Variants in TMPRSS11A observed in about 807,000 individuals in gnomAD.
The protein encoded by TMPRSS11A is transmembrane serine protease 11A.
In TMPRSS11A, 53 loss-of-function variants were observed where a neutral mutation model predicts 58.9. The observed-to-expected ratio is 0.90, with a 90% CI of 0.72 to 1.13. The LOEUF (loss-of-function observed/expected upper bound fraction) is 1.13. Ranked by LOEUF, TMPRSS11A falls within the 50% of genes most tolerant of loss-of-function variation. The pLI is 0.00. For missense variants in TMPRSS11A, 493 were observed against 499.3 expected, an observed-to-expected ratio of 0.99 and a Z score of 0.12; for synonymous variants, 167 against 169.8, an observed-to-expected ratio of 0.98 and a Z score of 0.13.
At chr4:67,914,495 C>G in intron 9 of TMPRSS11A, 93 bp downstream of exon 9, 1 of 1,169,494 alleles carries the variant, frequency 8.6e-7, no homozygotes. Flanking sequence ...GACATGATAT[C>G]TATGTTTTGT....
At chr4:67,939,485 C>G (rs967078398) in intron 3 of TMPRSS11A, among the ~76,000 whole-genome samples, 1 of 152,070 alleles carries the variant, frequency 6.6e-6, no homozygotes, top group Non-Finnish European at 1.5e-5. Flanking sequence ...ACATTCTTGT[C>G]TTTTTCCTGT....
chr4:67,926,775 G>T (rs1720483688), intron 5 of TMPRSS11A, among the ~76,000 whole-genome samples: 1 of 152,168 alleles, frequency 6.6e-6, no homozygotes, highest in African/African-American at 2.4e-5. Flanking sequence ...CACTGGTGGG[G>T]GAGCAGCTTG....
chr4:67,951,474 C>T (rs949682797), intron 1 of TMPRSS11A, among the ~76,000 whole-genome samples: 3 of 152,136 alleles, frequency 2.0e-5, no homozygotes, highest in East Asian at 3.9e-4. Flanking sequence ...TCCCAAGGAT[C>T]TTACTTTTCC....
chr4:67,945,247 T>A (rs2109761771), intron 2 of TMPRSS11A, among the ~76,000 whole-genome samples: 1 of 152,202 alleles, frequency 6.6e-6, no homozygotes, highest in Non-Finnish European at 1.5e-5. Flanking sequence ...CAGTTGAGAC[T>A]CCTAAGGAAT....
intron 1 of TMPRSS11A, among the ~76,000 whole-genome samples, chr4:67,947,256 G>A (rs1229404708): frequency 6.6e-6 from 1 of 152,106 alleles, no homozygotes; most frequent in Admixed American, 6.5e-5. Context: ...CTAATACCCA[G>A]TCCATCTTCA....
intron 4 of TMPRSS11A, among the ~76,000 whole-genome samples, chr4:67,931,216 C>T (rs971098419): frequency 3.9e-5 from 6 of 152,072 alleles, no homozygotes; most frequent in African/African-American, 9.7e-5. Flanking sequence ...AAAATCCTTA[C>T]GGAAGTCACT....
At chr4:67,936,888 G>A (rs1720768033) in intron 3 of TMPRSS11A, among the ~76,000 whole-genome samples, 1 of 152,154 alleles carries the variant, frequency 6.6e-6, no homozygotes, top group South Asian at 2.1e-4. Context: ...TTTTGTAAAA[G>A]AGGAAAATAT....
In TMPRSS11A at chr4:67,912,281, AACACAC is replaced by A. The variant is rs58492227; in HGVS notation, c.1096-784_1096-779del. ...TCCTCTGAAGCTGTTCCACCATATCAACACACACACACACACACACACACATACACA... is the reference window on the plus strand; with the variant it reads ...TCCTCTGAAGCTGTTCCACCATATCAACACACACACACACACACATACACA... On this transcript the variant is annotated intron_variant, in intron 9 of 9. Coordinates refer to ENST00000508048, the MANE Select transcript of TMPRSS11A (RefSeq NM_001114387.2). Among the ~76,000 whole-genome samples, 224 of 149,814 alleles carry A rather than the reference AACACAC, an allele frequency of 1.5e-3. 3 individuals carry two copies. The highest frequency in any genetic ancestry group is 5.1e-3 in the East Asian group (26 of 5,056).
At position 67,914,612 on chromosome 4, in the gene TMPRSS11A, C is replaced by T. The variant is rs1467280011; in HGVS notation, c.1071G>A (p.Met357Ile). Residue 357 changes from methionine (M) to isoleucine (I), a missense_variant, in exon 9 of 10, where the codon ATG becomes ATA. By Grantham distance (10) the Met-to-Ile change is conservative (BLOSUM62 1). Transcript: ENST00000508048. ...IKPGMFCAGY[M>I]EGIYDACRGD... Reference sequence around the variant, plus strand: ...CCCTGCAGGCATCATAAATTCCTTCCATATATCCGGCACAGAACATTCCAG... The same window carrying T: ...CCCTGCAGGCATCATAAATTCCTTCTATATATCCGGCACAGAACATTCCAG... The T allele has an allele frequency of 1.2e-6, 2 of 1,613,630 alleles. No individual in the cohort carries two copies. The highest frequency in any genetic ancestry group is 1.7e-6 in the Non-Finnish European group (2 of 1,179,818).
In TMPRSS11A at chr4:67,916,826, CAAAATAAAAATA is replaced by C. The variant is rs761507817; in HGVS notation, c.953-2108_953-2097del. On this transcript the variant is annotated intron_variant, in intron 8 of 9. Transcript: ENST00000508048. Reference sequence around the variant, plus strand: ...TGGGAGACAGAGCGAGACTCTGTTTCAAAATAAAAATAAAAATAAAAATAAAAATAAAATAAT... The same window carrying C: ...TGGGAGACAGAGCGAGACTCTGTTTCAAAATAAAAATAAAAATAAAATAAT... Among the ~76,000 whole-genome samples, 20 of 151,378 alleles carry C rather than the reference CAAAATAAAAATA, an allele frequency of 1.3e-4. 1 individual carries two copies. The highest frequency in any genetic ancestry group is 6.2e-4 in the South Asian group (3 of 4,810).
intron 1 of TMPRSS11A, among the ~76,000 whole-genome samples, chr4:67,957,855 T>C (rs1190891557): frequency 6.6e-6 from 1 of 152,004 alleles, no homozygotes; most frequent in African/African-American, 2.4e-5. Flanking sequence ...ATGGGCCAGG[T>C]CCAGGGTCCC....
intron 3 of TMPRSS11A, among the ~76,000 whole-genome samples, chr4:67,942,645 T>C (rs181412829): frequency 2.0e-5 from 3 of 152,328 alleles, no homozygotes; most frequent in East Asian, 1.9e-4. Context: ...GCGTGCACAC[T>C]GAGTCAGCCA....
At chr4:67,943,726 G>A (rs1208641734) in intron 3 of TMPRSS11A, among the ~76,000 whole-genome samples, 1 of 152,052 alleles carries the variant, frequency 6.6e-6, no homozygotes, top group Non-Finnish European at 1.5e-5. Context: ...CAATATTATT[G>A]TAAATATGAT....
intron 8 of TMPRSS11A, 149 bp downstream of exon 8, chr4:67,918,824 G>T: frequency 1.1e-6 from 1 of 931,246 alleles, no homozygotes; most frequent in Non-Finnish European, 1.6e-6. Flanking sequence ...ACTGGTTAAT[G>T]TGAATTGAAT....
intron 1 of TMPRSS11A, among the ~76,000 whole-genome samples, chr4:67,950,105 AC>A (rs1455080058): frequency 6.6e-6 from 1 of 152,180 alleles, no homozygotes; most frequent in Non-Finnish European, 1.5e-5. Context: ...TCAAAGCAAC[AC>A]CTATTTATTA....
At chr4:67,935,520 T>A (rs1212374695) in intron 3 of TMPRSS11A, among the ~76,000 whole-genome samples, 2 of 152,262 alleles carry the variant, frequency 1.3e-5, no homozygotes, top group South Asian at 2.1e-4. Context: ...TATTATATAT[T>A]TATGCAATAT....
intron 1 of TMPRSS11A, among the ~76,000 whole-genome samples, chr4:67,962,104 A>AT (rs1721443759): frequency 6.6e-6 from 1 of 152,172 alleles, no homozygotes; most frequent in Admixed American, 6.5e-5. Flanking sequence ...TAAATTATTA[A>AT]TTTTTAAAAT....
rs1474752645 is a variant in TMPRSS11A at position 67,961,482 on chromosome 4, CCTTTTTTTTTTTTTTTTTTTTT to C, written c.11+1879_11+1900del. 5.0e-3 allele frequency among the ~76,000 whole-genome samples: 513 copies of C among 102,410 alleles called. 76 individuals carry two copies. Among genetic ancestry groups the C allele is most frequent in the African/African-American group, 0.015 (313 of 20,972 alleles). 67.2% of individuals were successfully genotyped at this position (102,410 alleles called of 152,430 possible). A position where few individuals can be genotyped will look rare whatever the true frequency, so the allele number is the denominator to read the frequency against. On this transcript the variant is annotated intron_variant, in intron 1 of 9. Coordinates refer to ENST00000508048, the MANE Select transcript of TMPRSS11A (RefSeq NM_001114387.2). ...CTTTTCTTTCCTTTCCTTTTCTTTTCCTTTTTTTTTTTTTTTTTTTTTTTTTTTTTTTTTTTTTTTTTTTTTT... is the reference window on the plus strand; with the variant it reads ...CTTTTCTTTCCTTTCCTTTTCTTTTCTTTTTTTTTTTTTTTTTTTTTTTTT...
In TMPRSS11A at chr4:67,918,450, G is replaced by A. The variant is rs76034319; in HGVS notation, c.952+523C>T. Among the ~76,000 whole-genome samples the A allele has an allele frequency of 2.8e-3, 424 of 152,228 alleles. 1 individual carries two copies. Among genetic ancestry groups the A allele is most frequent in the Middle Eastern group, 0.014 (4 of 294 alleles). On this transcript the variant is annotated intron_variant, in intron 8 of 9. Transcript: ENST00000508048. ...TACTGAAGCAAATTTTGCTACATAG[G>A]CATAAAGAATATTTGAGTTAGCCAC... is the stretch of plus-strand genomic sequence containing the variant.
Sources: gnomAD v4.1 joint callset for allele counts (sites outside exome capture counted in the v4.1 genomes callset) on GRCh38, gnomAD v4.1.1 for gene constraint, MANE v1.5 for transcripts, NCBI Gene and HGNC (gene_info 2026-07-23, HGNC 2026-07-21) for gene names.